UVRAG: variants seen among roughly 807,000 people sequenced by gnomAD.
UVRAG encodes UV radiation resistance-associated gene protein.
A neutral mutation model predicts 78.0 loss-of-function variants in UVRAG; 19 were observed. That is an observed-to-expected ratio of 0.24 (90% CI 0.17 to 0.36). UVRAG has a LOEUF of 0.36. Ranked by LOEUF, UVRAG falls within the 10% of genes least tolerant of loss-of-function variation. UVRAG has a pLI of 1.00. For synonymous variants in UVRAG, 323 were observed against 324.6 expected (o/e 1.00, Z 0.05); for missense variants, 740 against 853.8 (o/e 0.87, Z 1.66).
intron 8 of UVRAG, among the ~76,000 whole-genome samples, chr11:75,991,435 A>G (rs1235982014): frequency 3.3e-5 from 5 of 152,170 alleles, no homozygotes; most frequent in African/African-American, 9.6e-5. Context: ...TAATAATAGT[A>G]GCAATAATGT....
At chr11:76,094,604 G>A (rs552241855) in intron 13 of UVRAG, among the ~76,000 whole-genome samples, 77 of 151,928 alleles carry the variant, frequency 5.1e-4, no homozygotes, top group Non-Finnish European at 7.9e-4. Flanking sequence ...GTATGTGTCC[G>A]GGAATTTATC....
chr11:75,934,669 A>G (rs920056613), intron 6 of UVRAG, among the ~76,000 whole-genome samples: 1 of 152,166 alleles, frequency 6.6e-6, no homozygotes, highest in Non-Finnish European at 1.5e-5. Flanking sequence ...AAAAATTTAA[A>G]CAAATAATAA....
intron 6 of UVRAG, among the ~76,000 whole-genome samples, chr11:75,951,844 T>C (rs1948709616): frequency 6.6e-6 from 1 of 152,202 alleles, no homozygotes; most frequent in African/African-American, 2.4e-5. Context: ...TATTTGCATA[T>C]CAATTTTAAA....
chr11:75,910,111 G>A (rs1052044157), intron 5 of UVRAG, among the ~76,000 whole-genome samples: 4 of 152,066 alleles, frequency 2.6e-5, no homozygotes, highest in Non-Finnish European at 4.4e-5. Flanking sequence ...ATGTCTGTTT[G>A]GGCACTTTTG....
intron 14 of UVRAG, among the ~76,000 whole-genome samples, chr11:76,128,610 T>G (rs888297391): frequency 1.3e-5 from 2 of 151,842 alleles, no homozygotes; most frequent in Non-Finnish European, 2.9e-5. Context: ...GGGAGGTATT[T>G]TTTGTTTGTT....
chr11:76,016,296 C>A (rs1950143424), intron 11 of UVRAG, among the ~76,000 whole-genome samples: 1 of 152,036 alleles, frequency 6.6e-6, no homozygotes, highest in Admixed American at 6.6e-5. Flanking sequence ...TATTATGTAA[C>A]CCTGTCTTTT....
chr11:75,928,825 C>A (rs1227529221), intron 6 of UVRAG, among the ~76,000 whole-genome samples: 2 of 149,684 alleles, frequency 1.3e-5, no homozygotes, highest in Non-Finnish European at 3.0e-5. Flanking sequence ...GCCCGTAGTC[C>A]CAGCTACTTG....
intron 12 of UVRAG, among the ~76,000 whole-genome samples, chr11:76,050,007 T>C (rs898793213): frequency 6.6e-6 from 1 of 152,154 alleles, no homozygotes; most frequent in African/African-American, 2.4e-5. Flanking sequence ...ATTGTATAGA[T>C]AAAGTATAAT....
At chr11:75,980,802 C>G (rs1949376148) in intron 7 of UVRAG, among the ~76,000 whole-genome samples, 1 of 151,722 alleles carries the variant, frequency 6.6e-6, no homozygotes, top group Non-Finnish European at 1.5e-5. Context: ...CTGCCTCAGC[C>G]TCTCAAGTAT....
intron 14 of UVRAG, among the ~76,000 whole-genome samples, chr11:76,128,056 A>G (rs1350142058): frequency 1.3e-5 from 2 of 152,228 alleles, no homozygotes; most frequent in East Asian, 3.8e-4. Flanking sequence ...GGCACACTAA[A>G]AAAGCAGTGC....
In UVRAG at chr11:76,141,940, TC is replaced by T. The variant is rs1485676599; in HGVS notation, c.*529del. Reference sequence around the variant, plus strand: ...TACATCTAGGCCTAACTGTCCCTCTTCCTGCCCCCGGGTACCACAGTCCACC... The same window carrying T: ...TACATCTAGGCCTAACTGTCCCTCTTCTGCCCCCGGGTACCACAGTCCACC... On this transcript the variant is annotated 3_prime_UTR_variant, in exon 15 of 15. Coordinates refer to ENST00000356136, the MANE Select transcript of UVRAG (RefSeq NM_003369.4). 1 of 155,564 alleles carries T rather than the reference TC, an allele frequency of 6.4e-6. No individual in the cohort carries two copies. Among genetic ancestry groups the T allele is most frequent in the Non-Finnish European group, 1.4e-5 (1 of 70,330 alleles). 9.6% of individuals were successfully genotyped at this position (155,564 alleles called of 1,614,324 possible).
chr11:75,858,430 A>G (rs995774208), intron 2 of UVRAG, among the ~76,000 whole-genome samples: 50 of 152,294 alleles, frequency 3.3e-4, no homozygotes, highest in African/African-American at 1.1e-3. Flanking sequence ...ATATTGGTTC[A>G]TAGACAGCAT....
intron 5 of UVRAG, among the ~76,000 whole-genome samples, chr11:75,889,782 G>T (rs1056112815): frequency 1.3e-5 from 2 of 152,218 alleles, no homozygotes; most frequent in African/African-American, 4.8e-5. Flanking sequence ...CTGTTGTGGA[G>T]TATATATGCA....
At chr11:75,942,044 G>A (rs1948494534) in intron 6 of UVRAG, 1 of 152,106 alleles carries the variant, frequency 6.6e-6, no homozygotes, top group Admixed American at 6.6e-5. Context: ...TTAAAGAGAT[G>A]GGGTGCCAGT....
chr11:76,032,436 T>G (rs1007851149), intron 12 of UVRAG, among the ~76,000 whole-genome samples: 2 of 152,214 alleles, frequency 1.3e-5, no homozygotes, highest in Admixed American at 1.3e-4. Context: ...AAAACTGATA[T>G]AACATTTAAT....
chr11:75,844,554 A>T (rs1945993114), intron 1 of UVRAG, among the ~76,000 whole-genome samples: 1 of 152,146 alleles, frequency 6.6e-6, no homozygotes, highest in African/African-American at 2.4e-5. Context: ...AATTACTGGT[A>T]TTAAGAAGAA....
At chr11:76,079,927 T>C (rs1484821187) in intron 13 of UVRAG, among the ~76,000 whole-genome samples, 1 of 152,116 alleles carries the variant, frequency 6.6e-6, no homozygotes, top group Non-Finnish European at 1.5e-5. Context: ...ATGGACTAGG[T>C]AATTAATAAA....
At chr11:75,832,912 A>G (rs1447673348) in intron 1 of UVRAG, among the ~76,000 whole-genome samples, 1 of 152,180 alleles carries the variant, frequency 6.6e-6, no homozygotes, top group East Asian at 1.9e-4. Flanking sequence ...CTGTCCCCCT[A>G]TACCAAGGGT....
Position 76,017,022 on chromosome 11 carries a change from C to T in UVRAG, c.1226+42C>T, listed in dbSNP as rs1950160209. 6.3e-6 allele frequency: 9 copies of T among 1,434,436 alleles called. No homozygotes were observed. The East Asian group carries it at 2.1e-4, about 34-fold the overall frequency. 88.9% of individuals were successfully genotyped at this position (1,434,436 alleles called of 1,614,324 possible). A position where few individuals can be genotyped will look rare whatever the true frequency, so the allele number is the denominator to read the frequency against. ...TAAAAAAATGATTTTAACATCAAGCCAGTATAAAACATGGGGTATAACAAA... is the reference window on the plus strand; with the variant it reads ...TAAAAAAATGATTTTAACATCAAGCTAGTATAAAACATGGGGTATAACAAA... On this transcript the variant is annotated intron_variant, in intron 12 of 14. Transcript: ENST00000356136.
Sources: gnomAD v4.1 joint callset for allele counts (sites outside exome capture counted in the v4.1 genomes callset) on GRCh38, gnomAD v4.1.1 for gene constraint, MANE v1.5 for transcripts, NCBI Gene and HGNC (gene_info 2026-07-23, HGNC 2026-07-21) for gene names.